The following SLC24A4 variants were observed in gnomAD, a reference collection of about 807,000 sequenced individuals.
SLC24A4 encodes solute carrier family 24 member 4.
Under a neutral mutation model 79.0 loss-of-function variants are expected in SLC24A4, and 53 were observed. That is an observed-to-expected ratio of 0.67 (90% confidence interval 0.54 to 0.84). The LOEUF is 0.84. Among genes scored for constraint, SLC24A4 ranks in the 40% least tolerant of loss-of-function variants. The pLI is 0.00. For synonymous variants in SLC24A4, 323 were observed against 323.8 expected, an observed-to-expected ratio of 1.00 and a Z score of 0.03; for missense variants, 731 against 822.0, an observed-to-expected ratio of 0.89 and a Z score of 1.35.
At chr14:92,338,575 C>G (rs1193730273) in intron 2 of SLC24A4, among the ~76,000 whole-genome samples, 1 of 152,224 alleles carries the variant, frequency 6.6e-6, no homozygotes, top group Non-Finnish European at 1.5e-5. Context: ...TATGACCCCG[C>G]TGTTGGTTTA....
At position 92,456,401 on chromosome 14, in the gene SLC24A4, C is replaced by T. The variant is rs1893464057; in HGVS notation, c.1051-3C>T. 2 of 1,614,212 alleles carry T rather than the reference C, an allele frequency of 1.2e-6. No individual in the cohort carries two copies. On this transcript the variant is annotated splice_polypyrimidine_tract_variant and splice_region_variant and intron_variant, in intron 11 of 16. Coordinates refer to ENST00000532405, the MANE Select transcript of SLC24A4 (RefSeq NM_153646.4). ...GTGTCCATGTTGCCTCCTGTCCACACAGCGGCAGAGACTGATCAACTCGGC... is the reference window on the plus strand; with the variant it reads ...GTGTCCATGTTGCCTCCTGTCCACATAGCGGCAGAGACTGATCAACTCGGC...
At chr14:92,342,363 C>CATTTATTTATTTATTT (rs10664923) in intron 2 of SLC24A4, among the ~76,000 whole-genome samples, 2,343 of 137,864 alleles carry the variant, frequency 0.017, 41 homozygotes, top group African/African-American at 0.032. Context: ...TTTTTTTCCC[C>CATTTATTTATTTATTT]ATTTATTTAT....
chr14:92,369,453 A>G (rs546745388), intron 2 of SLC24A4, among the ~76,000 whole-genome samples: 1 of 152,354 alleles, frequency 6.6e-6, no homozygotes, highest in Admixed American at 6.5e-5. Flanking sequence ...CAATGAGAAG[A>G]AGAAAAAGGT....
At chr14:92,326,127 C>A in intron 2 of SLC24A4, 149 bp downstream of exon 2, 1 of 574,208 alleles carries the variant, frequency 1.7e-6, no homozygotes, top group East Asian at 2.8e-5. Flanking sequence ...TGAAAGGTAA[C>A]ATAAAGACAT....
intron 12 of SLC24A4, among the ~76,000 whole-genome samples, chr14:92,465,028 C>A (rs1360463219): frequency 1.3e-5 from 2 of 152,190 alleles, no homozygotes; most frequent in Non-Finnish European, 2.9e-5. Flanking sequence ...TCCATGGCAG[C>A]CCTGCTGGGT....
chr14:92,337,817 A>T (rs1191174424), intron 2 of SLC24A4, among the ~76,000 whole-genome samples: 1 of 152,202 alleles, frequency 6.6e-6, no homozygotes, highest in Admixed American at 6.5e-5. Flanking sequence ...AGGTGCTTAC[A>T]GGAGTGCCTG....
chr14:92,432,670 G>A (rs1253817273), intron 2 of SLC24A4, among the ~76,000 whole-genome samples: 3 of 152,196 alleles, frequency 2.0e-5, no homozygotes, highest in South Asian at 2.1e-4. Flanking sequence ...TGAGGGAAGC[G>A]AAAGAATCTA....
At chr14:92,443,281 G>C in intron 6 of SLC24A4, 119 bp from the exon 7 acceptor site, 1 of 874,760 alleles carries the variant, frequency 1.1e-6, no homozygotes. Context: ...GCGTGGCCTG[G>C]AGTTAGGAGG....
chr14:92,393,837 C>T (rs1889624634), intron 2 of SLC24A4, among the ~76,000 whole-genome samples: 1 of 151,940 alleles, frequency 6.6e-6, no homozygotes. Context: ...CTGGTGAAAC[C>T]CTGTCTCTAC....
chr14:92,405,615 C>T (rs143562055), intron 2 of SLC24A4, among the ~76,000 whole-genome samples: 9,973 of 152,124 alleles, frequency 0.066, 433 homozygotes, highest in Non-Finnish European at 0.093. Flanking sequence ...AACTTACAAT[C>T]ATGGCAGAAG....
chr14:92,423,621 A>G (rs1891407598), intron 2 of SLC24A4, among the ~76,000 whole-genome samples: 1 of 152,218 alleles, frequency 6.6e-6, no homozygotes, highest in Non-Finnish European at 1.5e-5. Context: ...ATAAACAAAG[A>G]CCACACAAAT....
At chr14:92,407,258 G>A (rs1890439547) in intron 2 of SLC24A4, among the ~76,000 whole-genome samples, 2 of 152,194 alleles carry the variant, frequency 1.3e-5, no homozygotes, top group African/African-American at 2.4e-5. Flanking sequence ...GAACTTCATT[G>A]TGCATGTCAC....
chr14:92,446,272 A>G (rs1288757386), intron 8 of SLC24A4, among the ~76,000 whole-genome samples: 2 of 151,904 alleles, frequency 1.3e-5, no homozygotes, highest in Non-Finnish European at 2.9e-5. Context: ...TCAGCCTCCC[A>G]AGTAGCTGGG....
In SLC24A4 at chr14:92,499,850, T is replaced by TA. The variant is rs1896085539; in HGVS notation, c.*6222_*6223insA. 1 of 147,704 alleles carries TA rather than the reference T, an allele frequency of 6.8e-6. No individual in the cohort carries two copies. Among genetic ancestry groups the TA allele is most frequent in the African/African-American group, 2.5e-5 (1 of 39,758 alleles). The allele number at this position is 147,704 out of a possible 1,614,324, so 9.1% of individuals were successfully genotyped here. ...GTTGCTTCTTTTTTTCTCTTTTTTT[T>TA]TTTTTTTGAGATGGAGCCTCACTCT... On this transcript the variant is annotated 3_prime_UTR_variant, in exon 17 of 17. Transcript: ENST00000532405.
intron 8 of SLC24A4, 99 bp from the exon 9 acceptor site, chr14:92,447,272 A>G: frequency 9.4e-7 from 1 of 1,068,286 alleles, no homozygotes; most frequent in Non-Finnish European, 1.4e-6. Flanking sequence ...CGGGGGAGGT[A>G]AAGACATCCC....
intron 2 of SLC24A4, among the ~76,000 whole-genome samples, chr14:92,409,751 G>A (rs977260007): frequency 6.6e-6 from 1 of 152,020 alleles, no homozygotes; most frequent in Non-Finnish European, 1.5e-5. Flanking sequence ...CTTTATTGCA[G>A]CGCTATTCAC....
intron 12 of SLC24A4, among the ~76,000 whole-genome samples, chr14:92,469,050 C>G (rs1033409246): frequency 1.3e-5 from 2 of 152,094 alleles, no homozygotes; most frequent in African/African-American, 4.8e-5. Context: ...CAAAGATGCT[C>G]ACATCATTAG....
intron 2 of SLC24A4, among the ~76,000 whole-genome samples, chr14:92,378,011 C>A (rs1888614199): frequency 6.6e-6 from 1 of 152,016 alleles, no homozygotes; most frequent in Non-Finnish European, 1.5e-5. Context: ...GCCTGTGGGA[C>A]AAGCAGGAGG....
At chr14:92,444,419 G>A (rs942304268) in intron 7 of SLC24A4, among the ~76,000 whole-genome samples, 13 of 152,140 alleles carry the variant, frequency 8.5e-5, no homozygotes, top group African/African-American at 3.1e-4. Context: ...CGATGTTGAT[G>A]ATGTGATTTT....
Sources: allele counts gnomAD v4.1 joint callset (sites outside exome capture counted in the v4.1 genomes callset), GRCh38; gene constraint gnomAD v4.1.1; transcripts MANE v1.5; gene names NCBI Gene and HGNC (gene_info 2026-07-23, HGNC 2026-07-21).